The following CNTN1 variants were observed in gnomAD, a reference collection of about 807,000 sequenced individuals.
CNTN1 encodes contactin 1, also known as contactin-1.
In CNTN1, 38 loss-of-function variants were observed where a neutral mutation model predicts 126.4. The ratio of observed to expected loss-of-function variants is 0.30; its 90% CI spans 0.23 to 0.39. The LOEUF (loss-of-function observed/expected upper bound fraction) is 0.39. Ranked by LOEUF, CNTN1 falls within the 10% of genes least tolerant of loss-of-function variation. The pLI, the probability that CNTN1 is intolerant of heterozygous loss-of-function variation, is 1.00. For missense variants in CNTN1, 1,009 were observed against 1,248.4 expected (o/e 0.81, Z 2.89); for synonymous variants, 413 against 422.6 (o/e 0.98, Z 0.28).
chr12:40,823,964 T>C (rs1243275509), intron 1 of CNTN1, among the ~76,000 whole-genome samples: 1 of 152,140 alleles, frequency 6.6e-6, no homozygotes, highest in Non-Finnish European at 1.5e-5. Flanking sequence ...ACATTTGCCT[T>C]GTTTAGTGCC....
intron 1 of CNTN1, among the ~76,000 whole-genome samples, chr12:40,813,356 CACAACAGGCCAGGGT>C (rs749961839): frequency 6.6e-6 from 1 of 151,906 alleles, no homozygotes; most frequent in Non-Finnish European, 1.5e-5. Flanking sequence ...ACCCCCAACC[CACAACAGGCCAGGGT>C]ATGTGTTGTT....
intron 1 of CNTN1, among the ~76,000 whole-genome samples, chr12:40,774,810 T>C (rs116705939): frequency 0.018 from 2,699 of 151,564 alleles, 91 homozygotes; most frequent in African/African-American, 0.062. Context: ...AATCAAAGTT[T>C]ACTAAAATAT....
chr12:40,877,090 C>T (rs935338629), intron 1 of CNTN1, among the ~76,000 whole-genome samples: 1 of 152,130 alleles, frequency 6.6e-6, no homozygotes, highest in African/African-American at 2.4e-5. Flanking sequence ...TGTTTGTGAG[C>T]TTCTTGAACA....
At chr12:40,700,434 G>A (rs1484456004) in intron 1 of CNTN1, among the ~76,000 whole-genome samples, 1 of 151,982 alleles carries the variant, frequency 6.6e-6, no homozygotes, top group Non-Finnish European at 1.5e-5. Context: ...GCTGAGGGAG[G>A]AGAATCATTT....
intron 1 of CNTN1, among the ~76,000 whole-genome samples, chr12:40,695,319 T>A (rs1483733119): frequency 6.6e-6 from 1 of 152,178 alleles, no homozygotes; most frequent in Admixed American, 6.5e-5. Context: ...GGCTTTATGA[T>A]CCTCTCCATG....
At position 40,936,854 on chromosome 12, in the gene CNTN1, G is replaced by A. The variant is rs1346258306; in HGVS notation, c.1059G>A (p.Val353=). 8 of 1,613,202 alleles carry A rather than the reference G, an allele frequency of 5.0e-6. No individual in the cohort carries two copies. The Admixed American group carries it at 1.3e-4, about 27-fold the overall frequency. The change falls in exon 10 of 24, where the codon GTG becomes GTA. Residue 353 remains valine (V), a synonymous_variant. Transcript: ENST00000551295. ...GCAGTGATCTCTACTGGCCTTGTGT[G>A]GCCACAGGAAAGCCCATCCCTACAA... ...DIGSDLYWPC[V]ATGKPIPTIR...
At chr12:40,990,384 A>G (rs1749766650) in intron 16 of CNTN1, among the ~76,000 whole-genome samples, 2 of 152,058 alleles carry the variant, frequency 1.3e-5, no homozygotes, top group African/African-American at 4.8e-5. Context: ...AGAGAGTTTT[A>G]TGCGTCTTTG....
At chr12:40,881,339 G>T (rs895020243) in intron 1 of CNTN1, among the ~76,000 whole-genome samples, 1 of 151,842 alleles carries the variant, frequency 6.6e-6, no homozygotes, top group African/African-American at 2.4e-5. Flanking sequence ...GGAATGGAAA[G>T]GGTGATATTC....
intron 1 of CNTN1, among the ~76,000 whole-genome samples, chr12:40,859,579 A>G (rs1228100226): frequency 1.3e-5 from 2 of 152,162 alleles, no homozygotes; most frequent in African/African-American, 2.4e-5. Context: ...CTTTTGCCAC[A>G]CAGTATTTTT....
chr12:40,774,308 G>A (rs1402586314), intron 1 of CNTN1, among the ~76,000 whole-genome samples: 1 of 151,552 alleles, frequency 6.6e-6, no homozygotes, highest in Non-Finnish European at 1.5e-5. Context: ...CAAGTAGTGT[G>A]GGGTTTGTAT....
chr12:40,707,829 T>C (rs1313008205), intron 1 of CNTN1, among the ~76,000 whole-genome samples: 1 of 152,224 alleles, frequency 6.6e-6, no homozygotes, highest in Admixed American at 6.5e-5. Context: ...GGTTTCTATA[T>C]TGCTAATTTT....
intron 4 of CNTN1, among the ~76,000 whole-genome samples, chr12:40,921,932 G>A (rs537101580): frequency 1.9e-4 from 29 of 152,128 alleles, no homozygotes; most frequent in Non-Finnish European, 4.0e-4. Context: ...TCTAACTGGT[G>A]CATAGATGGC....
At position 40,922,598 on chromosome 12, in the gene CNTN1, A is replaced by G. The variant is rs559873512; in HGVS notation, c.400+170A>G. On this transcript the variant is annotated intron_variant, in intron 5 of 23. Transcript: ENST00000551295. ...ACAACAAAGCACCACAAGGCATACT[A>G]TGAATGCACTTGAAACAGTGAAAGA... Among the ~76,000 whole-genome samples, 3 of 152,224 alleles carry G rather than the reference A, an allele frequency of 2.0e-5. No homozygotes were observed. In the South Asian group the frequency reaches 6.2e-4, roughly 32 times the overall value.
At chr12:40,988,897 A>G (rs1186203746) in intron 16 of CNTN1, among the ~76,000 whole-genome samples, 1 of 152,176 alleles carries the variant, frequency 6.6e-6, no homozygotes, top group African/African-American at 2.4e-5. Flanking sequence ...GCTGAGATTA[A>G]CTGTATTGCC....
intron 19 of CNTN1, among the ~76,000 whole-genome samples, chr12:41,017,243 C>T (rs1244795058): frequency 6.6e-6 from 1 of 151,978 alleles, no homozygotes; most frequent in African/African-American, 2.4e-5. Flanking sequence ...AGAATCTCAA[C>T]ATGTCTGTAT....
chr12:40,841,297 C>T (rs929420257), intron 1 of CNTN1, among the ~76,000 whole-genome samples: 2 of 151,904 alleles, frequency 1.3e-5, no homozygotes, highest in Non-Finnish European at 2.9e-5. Context: ...TAAAAAGTCT[C>T]TCAACATAGA....
At chr12:40,903,292 A>G (rs958410489) in intron 1 of CNTN1, among the ~76,000 whole-genome samples, 38 of 151,982 alleles carry the variant, frequency 2.5e-4, no homozygotes, top group African/African-American at 8.0e-4. Context: ...AGGAACAGGA[A>G]TGCACCCCCA....
At chr12:40,949,824 C>T (rs549485903) in intron 14 of CNTN1, among the ~76,000 whole-genome samples, 1 of 152,064 alleles carries the variant, frequency 6.6e-6, no homozygotes, top group South Asian at 2.1e-4. Flanking sequence ...GATCCACCCG[C>T]CTCGGCCTCC....
intron 1 of CNTN1, among the ~76,000 whole-genome samples, chr12:40,831,360 T>A (rs1271637037): frequency 6.6e-6 from 1 of 151,962 alleles, no homozygotes; most frequent in Non-Finnish European, 1.5e-5. Flanking sequence ...TCAGAGCTTA[T>A]GTTTAGACAA....
Sources: allele counts gnomAD v4.1 joint callset (sites outside exome capture counted in the v4.1 genomes callset), GRCh38; gene constraint gnomAD v4.1.1; transcripts MANE v1.5; gene names NCBI Gene and HGNC (gene_info 2026-07-23, HGNC 2026-07-21).